ARHGEF11: variants seen among roughly 807,000 people sequenced by gnomAD.
ARHGEF11 encodes the protein Rho guanine exchange factor (GEF) 11.
In ARHGEF11, 55 loss-of-function variants were observed where a neutral mutation model predicts 193.7. That is an observed-to-expected ratio of 0.28 (90% CI 0.23 to 0.36). ARHGEF11 has a LOEUF of 0.36. Among genes scored for constraint, ARHGEF11 ranks in the 10% least tolerant of loss-of-function variants. The pLI, the probability that ARHGEF11 is intolerant of heterozygous loss-of-function variation, is 1.00. For synonymous variants in ARHGEF11, 693 were observed against 768.0 expected, an observed-to-expected ratio of 0.90 and a Z score of 1.62; for missense variants, 1,723 against 2,005.6, an observed-to-expected ratio of 0.86 and a Z score of 2.69.
chr1:156,980,301 A>G, intron 4 of ARHGEF11, 136 bp downstream of exon 4: 1 of 987,172 alleles, frequency 1.0e-6, no homozygotes, highest in Non-Finnish European at 1.5e-6. Context: ...GCTCCCTCGT[A>G]TGGTACCACT....
intron 36 of ARHGEF11, 91 bp from the exon 37 acceptor site, chr1:156,940,001 T>C: frequency 1.3e-6 from 2 of 1,551,814 alleles, no homozygotes; most frequent in Non-Finnish European, 8.6e-7. Context: ...CCCAAGGTGG[T>C]GACCTCAGGC....
intron 4 of ARHGEF11, 38 bp from the exon 5 acceptor site, chr1:156,979,324 A>C: frequency 6.4e-7 from 1 of 1,555,336 alleles, no homozygotes. Context: ...AATGGTAATG[A>C]ACAGCTAGGG....
At chr1:156,947,171 G>A in intron 26 of ARHGEF11, 133 bp downstream of exon 26, 2 of 1,477,454 alleles carry the variant, frequency 1.4e-6, no homozygotes, top group Non-Finnish European at 1.8e-6. Flanking sequence ...GTTTCAGGCT[G>A]TCCACAGATC....
intron 1 of ARHGEF11, among the ~76,000 whole-genome samples, chr1:157,041,805 A>T (rs1033152133): frequency 6.6e-6 from 1 of 152,126 alleles, no homozygotes; most frequent in African/African-American, 2.4e-5. Flanking sequence ...GTGTTGCTTT[A>T]TGTGGTCTTC....
Position 156,942,717 on chromosome 1 carries a change from A to G in ARHGEF11, c.3299T>C (p.Val1100Ala). 6.2e-7 allele frequency: 1 copy of G among 1,614,128 alleles called. No individual in the cohort carries two copies. The highest frequency in any genetic ancestry group is 1.7e-5 in the Admixed American group (1 of 60,018). ...KLGPPQIYEL[V>A]ALTSSDKNTW... ...GTTCTTGTCTGATGACGTCAATGCAACCAGCTCATAGATCTGGGGTGGGCC... is the reference window on the plus strand; with the variant it reads ...GTTCTTGTCTGATGACGTCAATGCAGCCAGCTCATAGATCTGGGGTGGGCC... The change falls in exon 33 of 41, where the codon GTT becomes GCT. Residue 1100 changes from valine (V) to alanine (A), a missense_variant. By Grantham distance (64) the Val-to-Ala change is moderately conservative. Around this residue, in one of 5 missense-constraint regions of ARHGEF11, gnomAD observed 23 missense variants for 58.7 expected, o/e 0.39. Transcript: ENST00000368194.
intron 24 of ARHGEF11, 31 bp from the exon 25 acceptor site, chr1:156,947,987 T>G (rs1280604383): frequency 6.2e-7 from 1 of 1,606,516 alleles, no homozygotes; most frequent in Non-Finnish European, 8.5e-7. Flanking sequence ...CAGCTTCATT[T>G]AGGAGGAAGA....
chr1:157,038,146 G>A lies in ARHGEF11; in HGVS notation c.32+6153C>T, dbSNP rs546950026. On this transcript the variant is annotated intron_variant, in intron 1 of 40. Coordinates refer to ENST00000368194, the MANE Select transcript of ARHGEF11 (RefSeq NM_198236.3). ...ATAAATATTTCAAGTCCAACCAACC[G>A]TCAAGCGCCACAGATCACAGGTCAT... 6.0e-5 allele frequency among the ~76,000 whole-genome samples: 9 copies of A among 150,402 alleles called. 1 individual carries two copies. Among genetic ancestry groups the A allele is most frequent in the Admixed American group, 2.0e-4 (3 of 15,100 alleles).
chr1:156,978,674 T>TAA (rs1663617213), intron 5 of ARHGEF11, among the ~76,000 whole-genome samples: 1 of 152,200 alleles, frequency 6.6e-6, no homozygotes, highest in Non-Finnish European at 1.5e-5. Context: ...TTTATCTCAC[T>TAA]AAAGTAAGTA....
In ARHGEF11 at chr1:156,976,917, A is replaced by T. The variant is rs1663340711; in HGVS notation, c.582+66T>A. 4 of 1,421,272 alleles carry T rather than the reference A, an allele frequency of 2.8e-6. No individual in the cohort carries two copies. The African/African-American group carries it at 5.6e-5, about 20-fold the overall frequency. 88.0% of individuals were successfully genotyped at this position (1,421,272 alleles called of 1,614,324 possible). A position where few individuals can be genotyped will look rare whatever the true frequency, so the allele number is the denominator to read the frequency against. ...TGTAAATTAAGTTGTGTACATTGGC[A>T]GGCTGCTCTGATAAAGTATTATTTC... On this transcript the variant is annotated intron_variant, in intron 7 of 40. Transcript: ENST00000368194.
rs370353333 is a variant in ARHGEF11, at chr1:156,963,515, G to A, written c.1038+5C>T. ...GATGAAAGGAGAAAACTAGGAAACC[G>A]TTACCTCGTTGTTGAAATAACCCGG... is the stretch of plus-strand genomic sequence containing the variant. On this transcript the variant is annotated splice_donor_5th_base_variant and intron_variant, in intron 12 of 40. Coordinates refer to ENST00000368194, the MANE Select transcript of ARHGEF11 (RefSeq NM_198236.3). 1.2e-4 allele frequency: 196 copies of A among 1,612,004 alleles called. No individual in the cohort carries two copies. In the African/African-American group the frequency reaches 2.3e-3, roughly 19 times the overall value.
In ARHGEF11 at chr1:156,986,078, T is replaced by C. The variant is rs1442235040; in HGVS notation, c.124+4A>G. ...TTTTGTATGTTAATGCCCAAGGAGG[T>C]TACCTGTTGTCTCAGAGGCATCCGA... On this transcript the variant is annotated splice_donor_region_variant and intron_variant, in intron 2 of 40. Transcript: ENST00000368194. The C allele has an allele frequency of 6.2e-7, 1 of 1,612,314 alleles. No individual in the cohort carries two copies. The highest frequency in any genetic ancestry group is 8.5e-7 in the Non-Finnish European group (1 of 1,178,632).
At chr1:156,987,772 G>A (rs543625396) in intron 1 of ARHGEF11, among the ~76,000 whole-genome samples, 1 of 152,228 alleles carries the variant, frequency 6.6e-6, no homozygotes, top group African/African-American at 2.4e-5. Context: ...GGACATCAAG[G>A]AAGAAGAGAG....
rs770477824 is a variant in ARHGEF11, at chr1:156,939,524, A to G, written c.4096+24T>C. ...ACCTAGCAAGGGTGCTTGTCTCCCC[A>G]CTGGACACTCCCATTTATTTTACCT... On this transcript the variant is annotated intron_variant, in intron 37 of 40. Coordinates refer to ENST00000368194, the MANE Select transcript of ARHGEF11 (RefSeq NM_198236.3). 3.7e-6 allele frequency: 6 copies of G among 1,606,392 alleles called. No individual in the cohort carries two copies. In the South Asian group the frequency reaches 6.6e-5, roughly 18 times the overall value.
At chr1:156,940,182 G>A (rs1553195020) in intron 36 of ARHGEF11, 25 bp downstream of exon 36, 1 of 1,543,232 alleles carries the variant, frequency 6.5e-7, no homozygotes, top group South Asian at 1.3e-5. Flanking sequence ...ACCAGGGGCT[G>A]ACGGCAGGGC....
intron 1 of ARHGEF11, among the ~76,000 whole-genome samples, chr1:157,023,235 T>C (rs998263451): frequency 3.9e-5 from 6 of 152,234 alleles, no homozygotes; most frequent in African/African-American, 1.2e-4. Context: ...GCCAATCATA[T>C]GTCTCTGACA....
intron 1 of ARHGEF11, among the ~76,000 whole-genome samples, chr1:157,000,541 G>C (rs964056436): frequency 2.0e-5 from 3 of 152,148 alleles, no homozygotes; most frequent in Non-Finnish European, 4.4e-5. Flanking sequence ...GTGTCATTTG[G>C]CCCAGAAGAT....
At chr1:156,950,913 G>C (rs1004774776) in intron 22 of ARHGEF11, among the ~76,000 whole-genome samples, 1 of 152,210 alleles carries the variant, frequency 6.6e-6, no homozygotes, top group South Asian at 2.1e-4. Context: ...CCACAATCAA[G>C]AGCAAGTAAG....
chr1:157,041,573 CCTT>C (rs1672754076), intron 1 of ARHGEF11, among the ~76,000 whole-genome samples: 3 of 152,232 alleles, frequency 2.0e-5, no homozygotes, highest in African/African-American at 7.2e-5. Flanking sequence ...ACCTAGGAAA[CCTT>C]CTCTAATTGA....
intron 28 of ARHGEF11, 90 bp downstream of exon 28, chr1:156,946,572 G>C: frequency 6.3e-7 from 1 of 1,575,826 alleles, no homozygotes; most frequent in Middle Eastern, 1.7e-4. Flanking sequence ...CTGTAGACAG[G>C]GATGATGTGG....
Sources: allele counts gnomAD v4.1 joint callset (sites outside exome capture counted in the v4.1 genomes callset), GRCh38; gene constraint gnomAD v4.1.1; regional missense constraint gnomAD v4.1.1; transcripts MANE v1.5; gene names NCBI Gene and HGNC (gene_info 2026-07-23, HGNC 2026-07-21).